The following IFT81 variants were observed in gnomAD, a reference collection of about 807,000 sequenced individuals.
IFT81 encodes intraflagellar transport protein 81 homolog.
A neutral mutation model predicts 102.6 loss-of-function variants in IFT81; 72 were observed. The observed-to-expected ratio is 0.70, with a 90% CI of 0.58 to 0.85. The LOEUF (loss-of-function observed/expected upper bound fraction) is 0.85, where lower values mean the gene tolerates loss of function less well. Ranked by LOEUF, IFT81 falls within the 40% of genes least tolerant of loss-of-function variation. IFT81 has a pLI of 0.00. For synonymous variants in IFT81, 237 were observed against 242.7 expected (o/e 0.98, Z 0.22); for missense variants, 723 against 787.3 (o/e 0.92, Z 0.98).
chr12:110,151,322 T>C (rs1255080912), intron 10 of IFT81, among the ~76,000 whole-genome samples: 1 of 152,240 alleles, frequency 6.6e-6, no homozygotes, highest in Non-Finnish European at 1.5e-5. Context: ...GTAACATTTT[T>C]AAAGTCCATC....
intron 11 of IFT81, among the ~76,000 whole-genome samples, chr12:110,179,771 T>TATACAC (rs1259370378): frequency 1.9e-5 from 1 of 52,796 alleles, no homozygotes; most frequent in Non-Finnish European, 4.0e-5. Context: ...TATATATATA[T>TATACAC]ATACACACAC....
intron 14 of IFT81, among the ~76,000 whole-genome samples, chr12:110,194,092 C>T (rs896245348): frequency 2.0e-5 from 3 of 152,136 alleles, no homozygotes; most frequent in African/African-American, 7.2e-5. Flanking sequence ...CTTATGAGAA[C>T]TCACTCACTA....
intron 18 of IFT81, 98 bp from the exon 19 acceptor site, chr12:110,217,946 A>G: frequency 2.5e-6 from 2 of 798,404 alleles, no homozygotes; most frequent in South Asian, 1.8e-5. Flanking sequence ...ACTATTTTTT[A>G]TCTACTGTAG....
At chr12:110,211,155 T>C (rs1269495233) in intron 18 of IFT81, among the ~76,000 whole-genome samples, 1 of 147,644 alleles carries the variant, frequency 6.8e-6, no homozygotes, top group East Asian at 2.0e-4. Context: ...CCACGACACC[T>C]GGACTTCGTA....
intron 11 of IFT81, among the ~76,000 whole-genome samples, chr12:110,178,915 C>A (rs1012045566): frequency 1.3e-5 from 2 of 151,586 alleles, no homozygotes; most frequent in Admixed American, 6.6e-5. Flanking sequence ...CCACATCCAG[C>A]CTTGAATTCC....
intron 11 of IFT81, chr12:110,167,894 C>A: frequency 3.9e-6 from 1 of 258,832 alleles, no homozygotes; most frequent in Non-Finnish European, 7.5e-6. Context: ...CTCTGTCACC[C>A]AGGCTGGAGT....
chr12:110,203,673 G>A, intron 14 of IFT81, 191 bp from the exon 15 acceptor site: 2 of 606,334 alleles, frequency 3.3e-6, no homozygotes, highest in Non-Finnish European at 3.0e-6. Flanking sequence ...TCAATACATG[G>A]TAGCTATTAT....
At chr12:110,183,353 G>C (rs985433559) in intron 12 of IFT81, among the ~76,000 whole-genome samples, 1 of 152,160 alleles carries the variant, frequency 6.6e-6, no homozygotes, top group Non-Finnish European at 1.5e-5. Flanking sequence ...CAAAATAGGG[G>C]GTTGGTTTCC....
intron 14 of IFT81, among the ~76,000 whole-genome samples, chr12:110,196,767 G>A (rs372115654): frequency 3.3e-5 from 5 of 152,138 alleles, no homozygotes; most frequent in East Asian, 1.9e-4. Flanking sequence ...ATTATGGTAC[G>A]TAATGGTTTT....
At chr12:110,187,803 T>C (rs1226311031) in intron 12 of IFT81, among the ~76,000 whole-genome samples, 1 of 152,226 alleles carries the variant, frequency 6.6e-6, no homozygotes, top group Non-Finnish European at 1.5e-5. Flanking sequence ...CAGTTTTCTC[T>C]TAATCCAAAG....
At chr12:110,210,596 A>G (rs1311644741) in intron 18 of IFT81, among the ~76,000 whole-genome samples, 1 of 151,662 alleles carries the variant, frequency 6.6e-6, no homozygotes, top group African/African-American at 2.4e-5. Context: ...AAAATTAGCC[A>G]GGCAAGGTGG....
At chr12:110,145,011 G>T (rs552718329) in intron 9 of IFT81, among the ~76,000 whole-genome samples, 5 of 147,380 alleles carry the variant, frequency 3.4e-5, no homozygotes, top group East Asian at 3.9e-4. Flanking sequence ...GATTACAGGC[G>T]CACACCACTA....
chr12:110,192,749 T>G (rs1235183311), intron 14 of IFT81, 43 bp downstream of exon 14: 2 of 1,099,810 alleles, frequency 1.8e-6, no homozygotes, highest in African/African-American at 3.1e-5. Flanking sequence ...TTATGATACT[T>G]TTAGTATTCT....
chr12:110,130,510 C>T (rs1333073136), intron 4 of IFT81, among the ~76,000 whole-genome samples: 1 of 151,870 alleles, frequency 6.6e-6, no homozygotes, highest in African/African-American at 2.4e-5. Context: ...GCTGGGATTA[C>T]AGGTGCCCAC....
chr12:110,130,604 A>C (rs1486871154), intron 4 of IFT81, among the ~76,000 whole-genome samples: 1 of 151,976 alleles, frequency 6.6e-6, no homozygotes, highest in South Asian at 2.1e-4. Flanking sequence ...CCCTGACCTC[A>C]TGATCTGCCC....
intron 4 of IFT81, among the ~76,000 whole-genome samples, chr12:110,129,685 G>C (rs551312297): frequency 6.6e-6 from 1 of 152,224 alleles, no homozygotes; most frequent in African/African-American, 2.4e-5. Context: ...CAAGGTTTTG[G>C]AGTAACATTG....
chr12:110,193,395 C>T (rs1593359043), intron 14 of IFT81, among the ~76,000 whole-genome samples: 1 of 152,084 alleles, frequency 6.6e-6, no homozygotes, highest in African/African-American at 2.4e-5. Flanking sequence ...CAAGTGGTGA[C>T]AAGTTAACTT....
At chr12:110,156,079 C>T (rs2137413078) in intron 10 of IFT81, among the ~76,000 whole-genome samples, 1 of 152,304 alleles carries the variant, frequency 6.6e-6, no homozygotes, top group Middle Eastern at 3.4e-3. Flanking sequence ...ATCTTTTACA[C>T]ATTGTATGCC....
intron 10 of IFT81, among the ~76,000 whole-genome samples, chr12:110,159,267 T>C (rs1477630807): frequency 6.6e-6 from 1 of 152,104 alleles, no homozygotes; most frequent in Non-Finnish European, 1.5e-5. Context: ...AGTTTGAGAC[T>C]AACCTGGGCA....
Sources: allele counts gnomAD v4.1 joint callset (sites outside exome capture counted in the v4.1 genomes callset), GRCh38; gene constraint gnomAD v4.1.1; transcripts MANE v1.5; gene names NCBI Gene and HGNC (gene_info 2026-07-23, HGNC 2026-07-21).